ADAP1: variants seen among roughly 807,000 people sequenced by gnomAD.
The protein encoded by ADAP1 is ArfGAP with dual PH domains 1.
A neutral mutation model predicts 54.9 loss-of-function variants in ADAP1; 31 were observed. That is an observed-to-expected ratio of 0.56 (90% CI 0.42 to 0.76). The LOEUF (loss-of-function observed/expected upper bound fraction) is 0.76. ADAP1 is among the 30% of genes least tolerant of loss of function. The pLI is 0.00. For synonymous variants in ADAP1, 313 were observed against 202.6 expected (o/e 1.55, Z -4.63); for missense variants, 535 against 512.4 (o/e 1.04, Z -0.42).
chr7:911,070 G>A (rs569656319), intron 4 of ADAP1, among the ~76,000 whole-genome samples: 38 of 152,308 alleles, frequency 2.5e-4, no homozygotes, highest in East Asian at 1.2e-3. Flanking sequence ...AGGTTGGTGC[G>A]TCTGGGGCCG....
intron 1 of ADAP1, among the ~76,000 whole-genome samples, chr7:947,739 C>T (rs1847180042): frequency 6.6e-6 from 1 of 152,176 alleles, no homozygotes; most frequent in South Asian, 2.1e-4. Flanking sequence ...ACCTCCCGCT[C>T]CCGCGCTGGC....
chr7:948,846 G>A (rs111233779), intron 1 of ADAP1, among the ~76,000 whole-genome samples: 5 of 152,084 alleles, frequency 3.3e-5, no homozygotes, highest in South Asian at 2.1e-4. Flanking sequence ...TCAGGCGTGC[G>A]CCACCACACC....
intron 1 of ADAP1, among the ~76,000 whole-genome samples, chr7:947,214 GTTTTTTTTTT>G (rs373444087): frequency 2.4e-5 from 2 of 84,178 alleles, no homozygotes; most frequent in Admixed American, 1.5e-4. Flanking sequence ...TGATTTTTTG[GTTTTTTTTTT>G]TTTTTTTTTT....
At position 945,806 on chromosome 7, in the gene ADAP1, G is replaced by A. The variant is rs1847121492; in HGVS notation, c.82+8590C>T. The stretch of plus-strand genomic sequence containing the variant: ...GGTGACTCAGCCGCTCACCATTTCC[G>A]GAGCTGGTCTGGGGCACCTGGGCAG... On this transcript the variant is annotated intron_variant, in intron 1 of 10. Transcript: ENST00000265846. This position sits in a 1 kb window ranked among gnomAD's most constrained non-coding sequence, Gnocchi z 4.2. 3.2e-5 allele frequency: 32 copies of A among 985,504 alleles called. No homozygotes were observed. Among genetic ancestry groups the A allele is most frequent in the South Asian group, 1.4e-4 (3 of 21,294 alleles). The allele number at this position is 985,504 out of a possible 1,614,324, so 61.0% of individuals were successfully genotyped here.
At chr7:913,975 TC>T (rs1845830234) in intron 4 of ADAP1, among the ~76,000 whole-genome samples, 1 of 152,138 alleles carries the variant, frequency 6.6e-6, no homozygotes, top group Non-Finnish European at 1.5e-5. Flanking sequence ...TGGTGATCCT[TC>T]CTTTTGGGTG....
Position 898,510 on chromosome 7 carries a change from T to G in ADAP1, c.*411A>C. 7.0e-6 allele frequency: 2 copies of G among 285,476 alleles called. No individual in the cohort carries two copies. The highest frequency in any genetic ancestry group is 1.4e-5 in the Non-Finnish European group (2 of 145,726). The allele number at this position is 285,476 out of a possible 1,614,324, so 17.7% of individuals were successfully genotyped here. A position where few individuals can be genotyped will look rare whatever the true frequency, so the allele number is the denominator to read the frequency against. ...GGGGCGGCATGCGAGCAGGGCCCAG[T>G]CCCCAGCGGCCGGCAGCTGCCCACC... On this transcript the variant is annotated 3_prime_UTR_variant, in exon 11 of 11. Coordinates refer to ENST00000265846, the MANE Select transcript of ADAP1 (RefSeq NM_006869.4).
rs533712640 is a variant in ADAP1, at chr7:918,217, C to T, written c.388+1751G>A. On this transcript the variant is annotated intron_variant, in intron 4 of 10. Coordinates refer to ENST00000265846, the MANE Select transcript of ADAP1 (RefSeq NM_006869.4). Reference sequence around the variant, plus strand: ...AACCACCGGCGTGAGCCACCGTGCCCGACCCTTTTTTGTTTCTAAGACAGA... The same window carrying T: ...AACCACCGGCGTGAGCCACCGTGCCTGACCCTTTTTTGTTTCTAAGACAGA... Among the ~76,000 whole-genome samples the T allele has an allele frequency of 3.0e-4, 46 of 152,186 alleles. 1 individual carries two copies. The highest frequency in any genetic ancestry group is 4.2e-4 in the South Asian group (2 of 4,812).
intron 1 of ADAP1, among the ~76,000 whole-genome samples, chr7:941,377 T>G (rs1316139080): frequency 6.6e-6 from 1 of 152,184 alleles, no homozygotes; most frequent in Non-Finnish European, 1.5e-5. Context: ...CTATCTTCAT[T>G]AACAGACAAC....
intron 2 of ADAP1, among the ~76,000 whole-genome samples, chr7:927,779 G>C (rs1033370352): frequency 6.6e-6 from 1 of 152,184 alleles, no homozygotes; most frequent in Non-Finnish European, 1.5e-5. Context: ...TGCTCCCGAG[G>C]ACGAGAGCCT....
At chr7:907,920 C>T (rs1230143107) in intron 4 of ADAP1, among the ~76,000 whole-genome samples, 1 of 151,930 alleles carries the variant, frequency 6.6e-6, no homozygotes, top group Admixed American at 6.6e-5. Flanking sequence ...AGCCGTCTGC[C>T]GAGCATCCGT....
At chr7:930,820 A>AT (rs980452035) in intron 2 of ADAP1, among the ~76,000 whole-genome samples, 10 of 150,832 alleles carry the variant, frequency 6.6e-5, no homozygotes, top group African/African-American at 2.4e-4. Context: ...GTCTCTAAAA[A>AT]AAAAAAAGTA....
At chr7:902,480 A>ATATGCCTG in intron 6 of ADAP1, among the ~76,000 whole-genome samples, 1 of 31,398 alleles carries the variant, frequency 3.2e-5, no homozygotes, top group Admixed American at 4.3e-4. Context: ...AAGAAAGAAA[A>ATATGCCTG]GAAAGAAAGA....
In ADAP1 at chr7:897,985, G is replaced by GAGGGCTTGTCC. The variant is rs1160437244; in HGVS notation, c.*925_*935dup. On this transcript the variant is annotated 3_prime_UTR_variant, in exon 11 of 11. Coordinates refer to ENST00000265846, the MANE Select transcript of ADAP1 (RefSeq NM_006869.4). ...CCTCGGAAACCCCCTCCCTGCCTAT[G>GAGGGCTTGTCC]AGGGCTTGTCCAGGGCTCCCCTGGA... 2.0e-5 allele frequency: 3 copies of GAGGGCTTGTCC among 152,286 alleles called. No homozygotes were observed. Among genetic ancestry groups the GAGGGCTTGTCC allele is most frequent in the Non-Finnish European group, 4.4e-5 (3 of 68,116 alleles). 9.4% of individuals were successfully genotyped at this position (152,286 alleles called of 1,614,324 possible). A position where few individuals can be genotyped will look rare whatever the true frequency, so the allele number is the denominator to read the frequency against.
In ADAP1 at chr7:904,068, C is replaced by T. The variant is rs548144013; in HGVS notation, c.648+58G>A. ...CAAGCACCCACCTTCCTGCGCCACC[C>T]GGGCCTGAGGGCCCACCCTCCTGTG... On this transcript the variant is annotated intron_variant, in intron 6 of 10. Coordinates refer to ENST00000265846, the MANE Select transcript of ADAP1 (RefSeq NM_006869.4). 3.9e-4 allele frequency: 616 copies of T among 1,598,740 alleles called. 4 individuals are homozygous for T. In the East Asian group the frequency reaches 9.9e-3, roughly 26 times the overall value.
chr7:951,302 G>C (rs563411094), intron 1 of ADAP1, among the ~76,000 whole-genome samples: 10 of 152,092 alleles, frequency 6.6e-5, no homozygotes, highest in Admixed American at 5.2e-4. Flanking sequence ...GAACCTGGGA[G>C]GGGGAGCTTG....
At chr7:900,500 T>G in intron 7 of ADAP1, 33 bp downstream of exon 7, 1 of 1,376,820 alleles carries the variant, frequency 7.3e-7, no homozygotes, top group Non-Finnish European at 1.0e-6. Context: ...CACCCCTGTC[T>G]GCCCTGGAGC....
intron 1 of ADAP1, among the ~76,000 whole-genome samples, chr7:952,583 G>T (rs539025736): frequency 2.1e-4 from 32 of 152,322 alleles, no homozygotes; most frequent in African/African-American, 7.5e-4. Context: ...GACACCGCCT[G>T]TTCCACCCTG....
chr7:954,230 G>A (rs1434662234), intron 1 of ADAP1, among the ~76,000 whole-genome samples, 166 bp downstream of exon 1: 1 of 151,334 alleles, frequency 6.6e-6, no homozygotes, highest in South Asian at 2.1e-4. Context: ...AGGTGCAGCC[G>A]GGCCCGGGCC....
intron 4 of ADAP1, among the ~76,000 whole-genome samples, chr7:914,679 C>T (rs528005458): frequency 1.3e-5 from 2 of 152,284 alleles, no homozygotes; most frequent in South Asian, 2.1e-4. Flanking sequence ...TAGCAGCGGG[C>T]AGCTAGGTCT....
Sources: gnomAD v4.1 joint callset for allele counts (sites outside exome capture counted in the v4.1 genomes callset) on GRCh38, gnomAD v4.1.1 for gene constraint, Gnocchi (gnomAD v3.1) non-coding constraint, MANE v1.5 for transcripts, NCBI Gene and HGNC (gene_info 2026-07-23, HGNC 2026-07-21) for gene names.